ZNF385B: variants seen among roughly 807,000 people sequenced by gnomAD.
ZNF385B encodes zinc finger protein 385B, also known as zinc finger protein 533.
Under a neutral mutation model 39.2 loss-of-function variants are expected in ZNF385B, and 23 were observed. The observed-to-expected ratio is 0.59, with a 90% CI of 0.42 to 0.83. ZNF385B has a LOEUF of 0.83. Among genes scored for constraint, ZNF385B ranks in the 40% least tolerant of loss-of-function variants. The pLI is 0.00. For missense variants in ZNF385B, 552 were observed against 598.9 expected, an observed-to-expected ratio of 0.92 and a Z score of 0.82; for synonymous variants, 205 against 222.6, an observed-to-expected ratio of 0.92 and a Z score of 0.70.
chr2:179,634,124 A>G (rs1300577255), intron 3 of ZNF385B, among the ~76,000 whole-genome samples: 2 of 152,236 alleles, frequency 1.3e-5, no homozygotes, highest in Non-Finnish European at 2.9e-5. Context: ...TAACCTAGGC[A>G]ATACCATTCA....
Position 179,719,819 on chromosome 2 carries a change from A to G in ZNF385B, c.298+49684T>C, listed in dbSNP as rs144753196. Among the ~76,000 whole-genome samples, 1,138 of 152,330 alleles carry G rather than the reference A, an allele frequency of 7.5e-3. 10 individuals carry two copies. Among genetic ancestry groups the G allele is most frequent in the African/African-American group, 0.025 (1,034 of 41,586 alleles). The stretch of plus-strand genomic sequence containing the variant: ...CACAAATATATGCAGGCTACTCTAC[A>G]TAAGGAAGTTTCATACATGAAGGGG... On this transcript the variant is annotated intron_variant, in intron 3 of 9. Coordinates refer to ENST00000410066, the MANE Select transcript of ZNF385B (RefSeq NM_152520.6).
At chr2:179,673,548 C>T (rs1696334478) in intron 3 of ZNF385B, among the ~76,000 whole-genome samples, 1 of 152,136 alleles carries the variant, frequency 6.6e-6, no homozygotes, top group African/African-American at 2.4e-5. Flanking sequence ...GGAATTATGG[C>T]AGTTTTCAAA....
intron 3 of ZNF385B, among the ~76,000 whole-genome samples, chr2:179,597,840 G>T (rs1202616240): frequency 2.0e-5 from 3 of 152,056 alleles, no homozygotes; most frequent in Non-Finnish European, 1.5e-5. Context: ...ATTCTAAGTT[G>T]AAGTGTCCCA....
chr2:179,753,449 A>C (rs1344203706), intron 3 of ZNF385B, among the ~76,000 whole-genome samples: 2 of 152,130 alleles, frequency 1.3e-5, no homozygotes, highest in Admixed American at 1.3e-4. Context: ...ATGAACTTTA[A>C]AGTAGTTTTT....
At chr2:179,551,420 C>T (rs2060559479) in intron 3 of ZNF385B, among the ~76,000 whole-genome samples, 3 of 149,726 alleles carry the variant, frequency 2.0e-5, no homozygotes, top group Admixed American at 1.3e-4. Context: ...CTGATAAGAC[C>T]CTGAAAAACG....
chr2:179,792,338 G>GCAGTGACT (rs1259142929), intron 1 of ZNF385B, among the ~76,000 whole-genome samples: 3 of 149,996 alleles, frequency 2.0e-5, no homozygotes, highest in Non-Finnish European at 4.4e-5. Context: ...ATTTATTCAA[G>GCAGTGACT]CAGTGACTGA....
intron 1 of ZNF385B, among the ~76,000 whole-genome samples, chr2:179,822,110 T>C (rs1707432013): frequency 6.6e-6 from 1 of 152,176 alleles, no homozygotes. Flanking sequence ...TGAAAAAAAT[T>C]TCCTACACAA....
At chr2:179,461,442 G>A (rs1574256154) in intron 6 of ZNF385B, among the ~76,000 whole-genome samples, 2 of 152,204 alleles carry the variant, frequency 1.3e-5, no homozygotes, top group African/African-American at 4.8e-5. Context: ...GAACCAACTA[G>A]ACTTATTCAT....
At chr2:179,772,407 C>A (rs1263762252) in intron 1 of ZNF385B, among the ~76,000 whole-genome samples, 4 of 152,148 alleles carry the variant, frequency 2.6e-5, no homozygotes, top group Non-Finnish European at 5.9e-5. Flanking sequence ...GTGGGGTATG[C>A]ATTCTGTTCA....
At chr2:179,557,652 A>G (rs967596451) in intron 3 of ZNF385B, among the ~76,000 whole-genome samples, 1 of 144,288 alleles carries the variant, frequency 6.9e-6, no homozygotes, top group Non-Finnish European at 1.5e-5. Flanking sequence ...CATGTTATAT[A>G]TGTATGTTAT....
intron 3 of ZNF385B, among the ~76,000 whole-genome samples, chr2:179,629,989 G>C (rs1245056293): frequency 2.6e-5 from 4 of 152,260 alleles, no homozygotes; most frequent in Non-Finnish European, 4.4e-5. Flanking sequence ...GCTGAGGCTT[G>C]AGTAGGTAAA....
At chr2:179,689,951 C>G (rs1698229596) in intron 3 of ZNF385B, among the ~76,000 whole-genome samples, 1 of 152,118 alleles carries the variant, frequency 6.6e-6, no homozygotes, top group African/African-American at 2.4e-5. Context: ...CTAAAGCTCT[C>G]TTTGTCTTCT....
intron 6 of ZNF385B, among the ~76,000 whole-genome samples, chr2:179,472,943 A>G (rs1163147904): frequency 6.6e-6 from 1 of 152,158 alleles, no homozygotes; most frequent in Non-Finnish European, 1.5e-5. Context: ...CTTAATGAAA[A>G]CAAAGAAAAA....
At chr2:179,675,517 A>G (rs376060826) in intron 3 of ZNF385B, among the ~76,000 whole-genome samples, 12 of 152,322 alleles carry the variant, frequency 7.9e-5, no homozygotes, top group East Asian at 3.9e-4. Flanking sequence ...TACCTTGTCA[A>G]TCTGATTTGT....
Position 179,576,548 on chromosome 2 carries a change from T to C in ZNF385B, c.299-31579A>G, listed in dbSNP as rs148222273. On this transcript the variant is annotated intron_variant, in intron 3 of 9. Transcript: ENST00000410066. ...TTTGACTCACTAAGGTTGGATGAAG[T>C]ATTCCTTCACTTTGTTCCTGTAATA... 6.1e-3 allele frequency among the ~76,000 whole-genome samples: 930 copies of C among 152,322 alleles called. 3 individuals are homozygous for C. The highest frequency in any genetic ancestry group is 0.02 in the Middle Eastern group (6 of 294).
intron 3 of ZNF385B, among the ~76,000 whole-genome samples, chr2:179,627,602 A>C (rs1690777815): frequency 6.6e-6 from 1 of 152,260 alleles, no homozygotes; most frequent in South Asian, 2.1e-4. Context: ...CTCAGAGTAC[A>C]CATCTCTTCT....
At chr2:179,666,561 T>C (rs2106291359) in intron 3 of ZNF385B, among the ~76,000 whole-genome samples, 1 of 152,328 alleles carries the variant, frequency 6.6e-6, no homozygotes, top group Non-Finnish European at 1.5e-5. Flanking sequence ...TGTTATATAA[T>C]CATAGAATCT....
At chr2:179,521,443 G>A (rs907935805) in intron 4 of ZNF385B, among the ~76,000 whole-genome samples, 2 of 146,486 alleles carry the variant, frequency 1.4e-5, no homozygotes, top group Non-Finnish European at 3.0e-5. Context: ...CAGGCGATCC[G>A]CCTGACTTGG....
chr2:179,624,740 G>A (rs1287511630), intron 3 of ZNF385B, among the ~76,000 whole-genome samples: 1 of 152,152 alleles, frequency 6.6e-6, no homozygotes, highest in African/African-American at 2.4e-5. Flanking sequence ...ACTCAGATAG[G>A]GAAGTCGGTA....
Sources: gnomAD v4.1 joint callset for allele counts (sites outside exome capture counted in the v4.1 genomes callset) on GRCh38, gnomAD v4.1.1 for gene constraint, MANE v1.5 for transcripts, NCBI Gene and HGNC (gene_info 2026-07-23, HGNC 2026-07-21) for gene names.